Variants in AXDND1 observed in about 807,000 individuals in gnomAD.
AXDND1 encodes the protein axonemal dynein light chain domain containing 1, also known as axonemal dynein light chain domain-containing protein 1.
A neutral mutation model predicts 137.5 loss-of-function variants in AXDND1; 110 were observed. The observed-to-expected ratio is 0.80, with a 90% confidence interval of 0.69 to 0.94. AXDND1 has a LOEUF of 0.94. Ranked by LOEUF, AXDND1 falls within the 40% of genes least tolerant of loss-of-function variation. The pLI, the probability that AXDND1 is intolerant of heterozygous loss-of-function variation, is 0.00. For synonymous variants in AXDND1, 414 were observed against 399.7 expected (o/e 1.04, Z -0.43); for missense variants, 1,191 against 1,169.8 (o/e 1.02, Z -0.26).
At chr1:179,530,137 C>T (rs1305624544) in intron 23 of AXDND1, among the ~76,000 whole-genome samples, 1 of 152,156 alleles carries the variant, frequency 6.6e-6, no homozygotes, top group Non-Finnish European at 1.5e-5. Context: ...TCAAGCGATT[C>T]TCCTGCCTCA....
chr1:179,551,222 T>C, intron 25 of AXDND1: 1 of 1,614,054 alleles, frequency 6.2e-7, no homozygotes, highest in Non-Finnish European at 8.5e-7. Context: ...CTCAACAGGT[T>C]TGGAAGGACT....
Position 179,399,730 on chromosome 1 carries a change from G to A in AXDND1, c.1109+4528G>A, listed in dbSNP as rs568281378. ...ACAATGAACTCAAACAAATCGGTAA[G>A]AAAAAACAAACAATCACGTCAAAAA... is the stretch of plus-strand genomic sequence containing the variant. On this transcript the variant is annotated intron_variant, in intron 11 of 25. Coordinates refer to ENST00000367618, the MANE Select transcript of AXDND1 (RefSeq NM_144696.6). Among the ~76,000 whole-genome samples, 6 of 152,002 alleles carry A rather than the reference G, an allele frequency of 3.9e-5. 1 individual carries two copies. The East Asian group carries it at 7.7e-4, about 20-fold the overall frequency.
At chr1:179,461,166 A>G (rs543920518) in intron 16 of AXDND1, among the ~76,000 whole-genome samples, 6 of 152,272 alleles carry the variant, frequency 3.9e-5, no homozygotes, top group African/African-American at 1.4e-4. Context: ...GTTTTCTTCT[A>G]GGGTTTTTAT....
At chr1:179,443,037 C>T (rs183061097) in intron 15 of AXDND1, among the ~76,000 whole-genome samples, 7 of 152,256 alleles carry the variant, frequency 4.6e-5, no homozygotes, top group Admixed American at 1.3e-4. Flanking sequence ...CCATTTGGTT[C>T]ACAGCAGGCT....
chr1:179,382,846 A>C, intron 7 of AXDND1, 90 bp downstream of exon 7: 2 of 1,030,300 alleles, frequency 1.9e-6, no homozygotes, highest in Non-Finnish European at 2.8e-6. Context: ...AAAATTATTA[A>C]AATTATAGCA....
At chr1:179,474,167 A>G (rs1278650348) in intron 17 of AXDND1, among the ~76,000 whole-genome samples, 1 of 151,540 alleles carries the variant, frequency 6.6e-6, no homozygotes, top group Non-Finnish European at 1.5e-5. Flanking sequence ...AGTGGTTGCA[A>G]TGAGCCGAGT....
At chr1:179,508,169 C>T (rs1480996512) in intron 20 of AXDND1, among the ~76,000 whole-genome samples, 1 of 151,900 alleles carries the variant, frequency 6.6e-6, no homozygotes, top group Non-Finnish European at 1.5e-5. Flanking sequence ...CCAGCCTGGG[C>T]AAGAAAAAGT....
chr1:179,444,950 C>G lies in AXDND1; in HGVS notation c.1564-20C>G, dbSNP rs989062065. ...ATTAGTGGATAATATGCTACTCTCCCTCTTCCTTTCACTCTTTAGATCCTG... is the reference window on the plus strand; with the variant it reads ...ATTAGTGGATAATATGCTACTCTCCGTCTTCCTTTCACTCTTTAGATCCTG... On this transcript the variant is annotated intron_variant, in intron 15 of 25. Transcript: ENST00000367618. 2.0e-6 allele frequency: 3 copies of G among 1,535,196 alleles called. No homozygotes were observed. The highest frequency in any genetic ancestry group is 2.7e-5 in the African/African-American group (2 of 73,184).
chr1:179,516,478 T>C (rs1213481268), intron 21 of AXDND1, among the ~76,000 whole-genome samples: 1 of 152,212 alleles, frequency 6.6e-6, no homozygotes, highest in Non-Finnish European at 1.5e-5. Flanking sequence ...CTTCTTGGTT[T>C]GGAACCATTG....
At chr1:179,376,463 G>A (rs1165376590) in intron 4 of AXDND1, among the ~76,000 whole-genome samples, 1 of 152,204 alleles carries the variant, frequency 6.6e-6, no homozygotes, top group Non-Finnish European at 1.5e-5. Context: ...GTTCAAGGCT[G>A]TGTTGTTCAA....
At chr1:179,493,868 G>A (rs1172643232) in intron 20 of AXDND1, among the ~76,000 whole-genome samples, 2 of 151,690 alleles carry the variant, frequency 1.3e-5, no homozygotes, top group African/African-American at 4.8e-5. Context: ...CTTAAAAGGT[G>A]GTTAAACCAT....
chr1:179,477,952 T>C (rs901369727), intron 17 of AXDND1, among the ~76,000 whole-genome samples: 7 of 152,170 alleles, frequency 4.6e-5, no homozygotes, highest in African/African-American at 1.7e-4. Flanking sequence ...ACTGGCTCCA[T>C]GCAAATTCAA....
chr1:179,506,622 C>G (rs1572114805), intron 20 of AXDND1, among the ~76,000 whole-genome samples: 2 of 152,186 alleles, frequency 1.3e-5, no homozygotes, highest in East Asian at 3.9e-4. Flanking sequence ...CTCAGCTACT[C>G]AGGAGGCTAA....
At chr1:179,481,129 C>T (rs1377345596) in intron 17 of AXDND1, among the ~76,000 whole-genome samples, 1 of 152,054 alleles carries the variant, frequency 6.6e-6, no homozygotes, top group African/African-American at 2.4e-5. Flanking sequence ...GCTGTCCCTC[C>T]CCACTTTCCC....
intron 16 of AXDND1, among the ~76,000 whole-genome samples, chr1:179,460,770 G>T (rs565897003): frequency 6.6e-6 from 1 of 152,288 alleles, no homozygotes; most frequent in African/African-American, 2.4e-5. Context: ...GTATCTCATT[G>T]TGGTTTTGAT....
intron 25 of AXDND1, among the ~76,000 whole-genome samples, chr1:179,549,866 G>A (rs182311484): frequency 1.3e-5 from 2 of 152,082 alleles, no homozygotes; most frequent in African/African-American, 4.8e-5. Flanking sequence ...TCATGCCCCG[G>A]CTGGTCCATG....
Position 179,445,191 on chromosome 1 carries a change from A to G in AXDND1, c.1785A>G (p.Ile595Met). The change falls in exon 16 of 26, where the codon ATA (isoleucine) becomes ATG (methionine). Residue 595 changes from isoleucine to methionine, a missense_variant. Ile to Met is a conservative substitution (Grantham distance 10, BLOSUM62 1). Coordinates refer to ENST00000367618, the MANE Select transcript of AXDND1 (RefSeq NM_144696.6). ...QKLYKEYEIR[I>M]NGDNGYSKIL... ...TCTACAAAGAATATGAAATAAGAAT[A>G]AATGGGGACAATGGTAAGAAAATAC... The G allele has an allele frequency of 1.3e-6, 2 of 1,571,500 alleles. No individual in the cohort carries two copies. The highest frequency in any genetic ancestry group is 1.7e-6 in the Non-Finnish European group (2 of 1,151,006).
At position 179,382,752 on chromosome 1, in the gene AXDND1, T is replaced by A. The variant is rs1648581588; in HGVS notation, c.634T>A (p.Ser212Thr). Reference sequence around the variant, plus strand: ...TGAAAACAGGCTATTGCTCTTCCCATCCATGTAAGTACAGTTTATTTTCTA... The same window carrying A: ...TGAAAACAGGCTATTGCTCTTCCCAACCATGTAAGTACAGTTTATTTTCTA... ...DSENRLLLFPSMKPNKRVEVA... is the reference protein window; with the variant it reads ...DSENRLLLFPTMKPNKRVEVA... Residue 212 changes from serine (S) to threonine (T), a missense_variant, in exon 7 of 26, where the codon TCC (serine) becomes ACC (threonine). Coordinates refer to ENST00000367618, the MANE Select transcript of AXDND1 (RefSeq NM_144696.6). 6.3e-7 allele frequency: 1 copy of A among 1,588,914 alleles called. No homozygotes were observed. The highest frequency in any genetic ancestry group is 8.6e-7 in the Non-Finnish European group (1 of 1,157,598).
intron 16 of AXDND1, among the ~76,000 whole-genome samples, chr1:179,465,017 A>C (rs911455116): frequency 3.4e-5 from 5 of 145,800 alleles, no homozygotes; most frequent in African/African-American, 1.3e-4. Flanking sequence ...CCATTCATCT[A>C]ATCTTTTTTT....
Sources: gnomAD v4.1 joint callset for allele counts (sites outside exome capture counted in the v4.1 genomes callset) on GRCh38, gnomAD v4.1.1 for gene constraint, MANE v1.5 for transcripts, NCBI Gene and HGNC (gene_info 2026-07-23, HGNC 2026-07-21) for gene names.